WWOX: variants seen among roughly 807,000 people sequenced by gnomAD.
The protein encoded by WWOX is WW domain containing oxidoreductase.
WWOX carries 69 observed loss-of-function variants against 46.2 expected under a neutral mutation model. The ratio of observed to expected loss-of-function variants is 1.49; its 90% CI spans 1.23 to 1.82. The LOEUF is 1.82. Ranked by LOEUF, WWOX falls within the 40% of genes most tolerant of loss-of-function variation. The pLI is 0.00. For synonymous variants in WWOX, 359 were observed against 202.6 expected (o/e 1.77, Z -6.56); for missense variants, 919 against 542.6 (o/e 1.69, Z -6.89).
chr16:78,578,747 T>C lies in WWOX; in HGVS notation c.1056+145995T>C, dbSNP rs182143994. 2.1e-3 allele frequency among the ~76,000 whole-genome samples: 321 copies of C among 152,214 alleles called. 1 individual carries two copies. Among genetic ancestry groups the C allele is most frequent in the African/African-American group, 7.5e-3 (313 of 41,542 alleles). ...ATGATGCATCAACATAACAAGTAAA[T>C]GGAAATGAATACAACCGCATGGTTT... On this transcript the variant is annotated intron_variant, in intron 8 of 8. Coordinates refer to ENST00000566780, the MANE Select transcript of WWOX (RefSeq NM_016373.4).
rs143986815 is a variant in WWOX at position 78,352,065 on chromosome 16, G to A, written c.517-34795G>A. ...AGTCAGCGAGACAGTAGAGAGTGGT[G>A]GAGATGGTGGCGCACAAGAGGGTCA... is the stretch of plus-strand genomic sequence containing the variant. On this transcript the variant is annotated intron_variant, in intron 5 of 8. Coordinates refer to ENST00000566780, the MANE Select transcript of WWOX (RefSeq NM_016373.4). Among the ~76,000 whole-genome samples the A allele has an allele frequency of 3.5e-3, 537 of 152,278 alleles. 1 individual carries two copies. The highest frequency in any genetic ancestry group is 0.012 in the African/African-American group (517 of 41,558).
At chr16:78,299,035 G>A (rs1370130470) in intron 5 of WWOX, among the ~76,000 whole-genome samples, 1 of 152,164 alleles carries the variant, frequency 6.6e-6, no homozygotes, top group Non-Finnish European at 1.5e-5. Flanking sequence ...CCAGCATTCT[G>A]GTTTCACAGG....
At chr16:78,675,602 C>G (rs1597430039) in intron 8 of WWOX, among the ~76,000 whole-genome samples, 1 of 152,286 alleles carries the variant, frequency 6.6e-6, no homozygotes, top group African/African-American at 2.4e-5. Context: ...GACTCCCGCC[C>G]TACTGCTCGC....
Position 78,441,699 on chromosome 16 carries a change from T to C in WWOX, c.1056+8947T>C, listed in dbSNP as rs112579402. On this transcript the variant is annotated intron_variant, in intron 8 of 8. Transcript: ENST00000566780. The stretch of plus-strand genomic sequence containing the variant: ...TCAAAACCTGATTAAGATTCATGCA[T>C]AAAACTGAGATGTTAGAACTACCTC... Among the ~76,000 whole-genome samples, 4 of 152,208 alleles carry C rather than the reference T, an allele frequency of 2.6e-5. No individual in the cohort carries two copies. In the South Asian group the frequency reaches 6.2e-4, roughly 24 times the overall value.
chr16:78,563,711 C>T (rs1204415632), intron 8 of WWOX, among the ~76,000 whole-genome samples: 1 of 152,068 alleles, frequency 6.6e-6, no homozygotes, highest in Admixed American at 6.5e-5. Context: ...TAAGAACTGT[C>T]TGTATTTGTG....
chr16:78,181,268 T>G lies in WWOX; in HGVS notation c.516+16979T>G, dbSNP rs2035524857. Among the ~76,000 whole-genome samples the G allele has an allele frequency of 2.0e-5, 3 of 152,148 alleles. 1 individual carries two copies. The South Asian group carries it at 6.2e-4, about 32-fold the overall frequency. On this transcript the variant is annotated intron_variant, in intron 5 of 8. Coordinates refer to ENST00000566780, the MANE Select transcript of WWOX (RefSeq NM_016373.4). ...TTATGAGGTTTTTAGTGCTGGGCTT[T>G]GCATCGTGGTGACGGTGTGTGTGTG...
At chr16:79,038,853 A>G (rs1828349) in intron 8 of WWOX, among the ~76,000 whole-genome samples, 69,303 of 152,034 alleles carry the variant, frequency 0.46, 16,276 homozygotes, top group East Asian at 0.67. Flanking sequence ...CCCAGCCTAG[A>G]AATAACTTTT....
chr16:78,538,972 T>C (rs374821496), intron 8 of WWOX, among the ~76,000 whole-genome samples: 19 of 152,198 alleles, frequency 1.2e-4, no homozygotes, highest in African/African-American at 2.9e-4. Context: ...AACCAAGCAA[T>C]GCCCTTTCAC....
chr16:78,393,495 T>C (rs1291954449), intron 6 of WWOX, among the ~76,000 whole-genome samples: 2 of 152,170 alleles, frequency 1.3e-5, no homozygotes, highest in Non-Finnish European at 2.9e-5. Flanking sequence ...GCTGTCTCTA[T>C]ATTACAAAAT....
At chr16:78,201,665 A>G (rs996735455) in intron 5 of WWOX, among the ~76,000 whole-genome samples, 1 of 150,874 alleles carries the variant, frequency 6.6e-6, no homozygotes, top group South Asian at 2.1e-4. Context: ...CTCACTGGGC[A>G]TTCCTTGGAT....
chr16:79,196,651 C>G (rs959405203), intron 8 of WWOX, among the ~76,000 whole-genome samples: 1 of 152,190 alleles, frequency 6.6e-6, no homozygotes, highest in African/African-American at 2.4e-5. Context: ...CCCCCACCCT[C>G]CAGTTCTCAT....
At chr16:78,202,913 C>T (rs992033946) in intron 5 of WWOX, among the ~76,000 whole-genome samples, 1 of 150,930 alleles carries the variant, frequency 6.6e-6, no homozygotes, top group African/African-American at 2.4e-5. Flanking sequence ...ATTTTGTCCT[C>T]AGCACTATAA....
intron 8 of WWOX, among the ~76,000 whole-genome samples, chr16:78,565,128 T>G (rs1392819476): frequency 6.6e-6 from 1 of 152,196 alleles, no homozygotes; most frequent in African/African-American, 2.4e-5. Context: ...CATAGCAGAG[T>G]AGAAGGAACT....
chr16:78,122,214 T>G (rs914299429), intron 4 of WWOX, among the ~76,000 whole-genome samples: 1 of 152,190 alleles, frequency 6.6e-6, no homozygotes, highest in Non-Finnish European at 1.5e-5. Context: ...CAGGCATCAC[T>G]GTGGGTCTTG....
chr16:78,528,521 C>T (rs1046914877), intron 8 of WWOX, among the ~76,000 whole-genome samples: 4 of 152,012 alleles, frequency 2.6e-5, no homozygotes, highest in Non-Finnish European at 5.9e-5. Flanking sequence ...ATTAATGCTG[C>T]TGTTATCATA....
chr16:78,612,853 G>A (rs115209870), intron 8 of WWOX, among the ~76,000 whole-genome samples: 214 of 152,266 alleles, frequency 1.4e-3, no homozygotes, highest in African/African-American at 4.8e-3. Flanking sequence ...TAGAACCACC[G>A]TCTCTAAGGC....
chr16:78,213,075 A>T lies in WWOX; in HGVS notation c.516+48786A>T, dbSNP rs945029359. On this transcript the variant is annotated intron_variant, in intron 5 of 8. Coordinates refer to ENST00000566780, the MANE Select transcript of WWOX (RefSeq NM_016373.4). ...CGAGACCAGCCTGGCCAATATGGTG[A>T]AACTCCATGTCTACTAATAACACAG... Among the ~76,000 whole-genome samples, 4 of 151,938 alleles carry T rather than the reference A, an allele frequency of 2.6e-5. No homozygotes were observed. In the East Asian group the frequency reaches 5.8e-4, roughly 22 times the overall value.
At chr16:79,055,463 C>G (rs1226564688) in intron 8 of WWOX, among the ~76,000 whole-genome samples, 3 of 152,134 alleles carry the variant, frequency 2.0e-5, no homozygotes, top group South Asian at 4.1e-4. Flanking sequence ...GGAAGCCCAG[C>G]TAGCCATGTG....
At chr16:78,725,344 CTTTTTTTTT>C (rs1220702069) in intron 8 of WWOX, among the ~76,000 whole-genome samples, 17 of 61,888 alleles carry the variant, frequency 2.7e-4, no homozygotes, top group African/African-American at 1.2e-3. Context: ...CTTTTCTTTT[CTTTTTTTTT>C]TTTTTTTTTT....
Sources: allele counts gnomAD v4.1 joint callset (sites outside exome capture counted in the v4.1 genomes callset), GRCh38; gene constraint gnomAD v4.1.1; transcripts MANE v1.5; gene names NCBI Gene and HGNC (gene_info 2026-07-23, HGNC 2026-07-21).